Variants in NEGR1 observed in about 807,000 individuals in gnomAD.
NEGR1 encodes the protein neuronal growth regulator 1, also known as IgLON family member 4.
A neutral mutation model predicts 40.9 loss-of-function variants in NEGR1; 10 were observed. That is an observed-to-expected ratio of 0.24 (90% CI 0.15 to 0.42). The LOEUF (loss-of-function observed/expected upper bound fraction) is 0.42. Among genes scored for constraint, NEGR1 ranks in the 10% least tolerant of loss-of-function variants. The probability of loss-of-function intolerance (pLI) is 1.00; values close to 1 mark genes in which losing one functional copy is unlikely to be tolerated. For synonymous variants in NEGR1, 185 were observed against 166.8 expected (o/e 1.11, Z -0.84); for missense variants, 352 against 438.9 (o/e 0.80, Z 1.77).
intron 3 of NEGR1, among the ~76,000 whole-genome samples, chr1:71,764,206 T>C (rs1656044244): frequency 6.6e-6 from 1 of 152,148 alleles, no homozygotes; most frequent in Admixed American, 6.5e-5. Context: ...GTCAATTGAA[T>C]AAAATGACAA....
chr1:71,412,055 T>C (rs944722597), intron 6 of NEGR1, among the ~76,000 whole-genome samples: 1 of 152,104 alleles, frequency 6.6e-6, no homozygotes, highest in Non-Finnish European at 1.5e-5. Context: ...CCATTGTTTA[T>C]TGAGTAAAGC....
intron 6 of NEGR1, among the ~76,000 whole-genome samples, chr1:71,519,746 T>TA (rs1192211895): frequency 0.01 from 1,340 of 132,618 alleles, 25 homozygotes; most frequent in African/African-American, 0.037. Context: ...AAAAAAAAAT[T>TA]AAAAAAAAAC....
At chr1:71,571,513 G>A (rs1159328222) in intron 6 of NEGR1, among the ~76,000 whole-genome samples, 3 of 152,142 alleles carry the variant, frequency 2.0e-5, no homozygotes, top group Non-Finnish European at 2.9e-5. Flanking sequence ...AATGTTGCTG[G>A]CAGCACTGGC....
chr1:71,970,431 C>A lies in NEGR1; in HGVS notation c.177-35120G>T, dbSNP rs78637216. ...TAAGGGCGGGACTAGGGGCTCACAC[C>A]TGTAATGCCAGCACTTTGAGAAGTT... On this transcript the variant is annotated intron_variant, in intron 1 of 6. Transcript: ENST00000357731. Among the ~76,000 whole-genome samples the A allele has an allele frequency of 5.4e-3, 829 of 152,276 alleles. 8 individuals are homozygous for A. Among genetic ancestry groups the A allele is most frequent in the African/African-American group, 0.019 (784 of 41,550 alleles).
intron 1 of NEGR1, among the ~76,000 whole-genome samples, chr1:72,254,916 C>A (rs12567306): frequency 6.6e-6 from 1 of 151,440 alleles, no homozygotes; most frequent in East Asian, 1.9e-4. Context: ...CTTTATATAC[C>A]CCCTTAGAAT....
chr1:71,466,841 C>A (rs576911895), intron 6 of NEGR1, among the ~76,000 whole-genome samples: 39 of 152,188 alleles, frequency 2.6e-4, no homozygotes, highest in African/African-American at 8.9e-4. Flanking sequence ...AACTGTTGAT[C>A]TTGTTTAATA....
intron 6 of NEGR1, among the ~76,000 whole-genome samples, chr1:71,466,617 T>G (rs1646747936): frequency 6.6e-6 from 1 of 151,818 alleles, no homozygotes; most frequent in African/African-American, 2.4e-5. Context: ...TTGACAAAAA[T>G]GAGGAAAAGA....
chr1:71,927,331 C>A (rs150675699), intron 2 of NEGR1, among the ~76,000 whole-genome samples: 1 of 152,060 alleles, frequency 6.6e-6, no homozygotes, highest in Non-Finnish European at 1.5e-5. Flanking sequence ...AGATGGTGAA[C>A]CTGAGTTTTT....
At chr1:71,529,952 A>G (rs1647301924) in intron 6 of NEGR1, among the ~76,000 whole-genome samples, 1 of 151,250 alleles carries the variant, frequency 6.6e-6, no homozygotes, top group Admixed American at 6.6e-5. Context: ...CTTGTCAAGA[A>G]TATATAAAGC....
At chr1:71,900,535 C>A (rs1661116016) in intron 2 of NEGR1, among the ~76,000 whole-genome samples, 1 of 151,894 alleles carries the variant, frequency 6.6e-6, no homozygotes, top group Admixed American at 6.6e-5. Flanking sequence ...ATCTTAATTG[C>A]CTTCAATGAT....
intron 1 of NEGR1, among the ~76,000 whole-genome samples, chr1:72,081,897 C>G (rs1237252421): frequency 6.6e-6 from 1 of 152,070 alleles, no homozygotes; most frequent in South Asian, 2.1e-4. Flanking sequence ...TACTAGATGT[C>G]TCTGAAACTT....
chr1:71,808,600 T>C (rs1657866367), intron 2 of NEGR1, among the ~76,000 whole-genome samples: 1 of 152,118 alleles, frequency 6.6e-6, no homozygotes, highest in Admixed American at 6.6e-5. Context: ...TGCATGATTT[T>C]AGAATAAACA....
chr1:71,681,053 C>T (rs1029403309), intron 4 of NEGR1, among the ~76,000 whole-genome samples: 6 of 152,218 alleles, frequency 3.9e-5, no homozygotes, highest in African/African-American at 1.4e-4. Flanking sequence ...TGGCACAGCA[C>T]TTCAGACTAA....
intron 3 of NEGR1, among the ~76,000 whole-genome samples, chr1:71,721,542 A>T (rs1379306140): frequency 6.6e-6 from 1 of 152,160 alleles, no homozygotes; most frequent in South Asian, 2.1e-4. Context: ...TGCAGGGGGA[A>T]GTAAAATAGA....
chr1:72,135,780 A>G (rs1034129139), intron 1 of NEGR1, among the ~76,000 whole-genome samples: 1 of 152,228 alleles, frequency 6.6e-6, no homozygotes, highest in African/African-American at 2.4e-5. Flanking sequence ...CAAGGAAGAG[A>G]AAATAACTAT....
At chr1:71,709,400 A>G (rs1654007044) in intron 3 of NEGR1, among the ~76,000 whole-genome samples, 1 of 152,194 alleles carries the variant, frequency 6.6e-6, no homozygotes, top group East Asian at 1.9e-4. Context: ...TCTAATGATT[A>G]GTAATGTTGA....
chr1:71,605,191 A>G (rs998099724), intron 5 of NEGR1, among the ~76,000 whole-genome samples: 1 of 152,156 alleles, frequency 6.6e-6, no homozygotes, highest in Non-Finnish European at 1.5e-5. Flanking sequence ...TTTATTTAAT[A>G]CTTTATTTTT....
At chr1:71,833,780 A>C in intron 2 of NEGR1, among the ~76,000 whole-genome samples, 1 of 152,038 alleles carries the variant, frequency 6.6e-6, no homozygotes, top group East Asian at 1.9e-4. Flanking sequence ...CATGTGCTTA[A>C]TTATTTTGAC....
At chr1:71,734,776 C>T (rs1364455262) in intron 3 of NEGR1, among the ~76,000 whole-genome samples, 3 of 152,078 alleles carry the variant, frequency 2.0e-5, no homozygotes, top group African/African-American at 4.8e-5. Flanking sequence ...TTCATCAGTG[C>T]CCTAATAATT....
Sources: allele counts gnomAD v4.1 joint callset (sites outside exome capture counted in the v4.1 genomes callset), GRCh38; gene constraint gnomAD v4.1.1; transcripts MANE v1.5; gene names NCBI Gene and HGNC (gene_info 2026-07-23, HGNC 2026-07-21).